Variants in MICB observed in about 807,000 individuals in gnomAD.
MICB encodes the protein MHC class I antigen-related protein B.
Under a neutral mutation model 34.3 loss-of-function variants are expected in MICB, and 27 were observed. The ratio of observed to expected loss-of-function variants is 0.79; its 90% CI spans 0.58 to 1.08. The LOEUF is 1.08. Among genes scored for constraint, MICB ranks in the 50% least tolerant of loss-of-function variants. MICB has a pLI of 0.00. For synonymous variants in MICB, 153 were observed against 187.4 expected (o/e 0.82, Z 1.50); for missense variants, 426 against 483.1 (o/e 0.88, Z 1.11).
At chr6:31,499,456 C>T (rs551330509) in intron 1 of MICB, among the ~76,000 whole-genome samples, 11 of 151,998 alleles carry the variant, frequency 7.2e-5, no homozygotes, top group Non-Finnish European at 1.5e-4. Flanking sequence ...CTTTATGGGC[C>T]TTTCCTGCAA....
chr6:31,498,329 G>A (rs1056123243), intron 1 of MICB, 66 bp downstream of exon 1: 3 of 1,375,938 alleles, frequency 2.2e-6, no homozygotes, highest in East Asian at 3.0e-5. Context: ...GGGTCCGGGT[G>A]GGTTGCCGCG....
At chr6:31,496,674 CT>C (rs9279320), upstream of MICB, 70,070 of 145,718 alleles carry the variant, frequency 0.48, 16,694 homozygotes, top group South Asian at 0.65. Flanking sequence ...ACCCTTTTTC[CT>C]TTTTTTTTTT....
chr6:31,510,362 G>A lies in MICB; in HGVS notation c.*453G>A, dbSNP rs1237911765. ...TCTCCTATACCAATAAATACGAAGG[G>A]CTGTGGAAGATCAGAGCCCTTGTTC... is the stretch of plus-strand genomic sequence containing the variant. On this transcript the variant is annotated 3_prime_UTR_variant, in exon 6 of 6. Coordinates refer to ENST00000252229, the MANE Select transcript of MICB (RefSeq NM_005931.5). 6.5e-6 allele frequency: 1 copy of A among 153,386 alleles called. No homozygotes were observed. The highest frequency in any genetic ancestry group is 1.9e-4 in the East Asian group (1 of 5,214). 9.5% of individuals were successfully genotyped at this position (153,386 alleles called of 1,614,324 possible).
In MICB at chr6:31,507,166, G is replaced by A. The variant is rs141005467; in HGVS notation, c.758G>A (p.Trp253Ter). ...TCTTTGAGCCACAACACCCAGCAGTGGGGGGATGTCCTGCCTGATGGGAAT... is the reference window on the plus strand; with the variant it reads ...TCTTTGAGCCACAACACCCAGCAGTAGGGGGATGTCCTGCCTGATGGGAAT... ...GVSLSHNTQQ[W>*]GDVLPDGNGT... The change falls in exon 4 of 6, where the codon TGG (tryptophan) becomes TAG (stop). Residue 253 changes from tryptophan (W) to a stop codon, truncating the protein, a stop_gained. Coordinates refer to ENST00000252229, the MANE Select transcript of MICB (RefSeq NM_005931.5). LOFTEE classifies it high-confidence loss of function. This position sits in a 1 kb window ranked among gnomAD's most constrained non-coding sequence, Gnocchi z 6.0. 48 of 1,614,138 alleles carry A rather than the reference G, an allele frequency of 3.0e-5. No homozygotes were observed. The highest frequency in any genetic ancestry group is 3.8e-5 in the Non-Finnish European group (45 of 1,180,010).
chr6:31,505,659 A>G lies in MICB; in HGVS notation c.113A>G (p.Asp38Gly). The G allele has an allele frequency of 6.2e-7, 1 of 1,612,914 alleles. No individual in the cohort carries two copies. The highest frequency in any genetic ancestry group is 8.5e-7 in the Non-Finnish European group (1 of 1,179,930). Residue 38 changes from aspartate (D) to glycine (G), a missense_variant, in exon 2 of 6, where the codon GAT (aspartate) becomes GGT (glycine). Asp to Gly is a moderately conservative substitution (Grantham distance 94). Transcript: ENST00000252229. ...LRYNLMVLSQ[D>G]GSVQSGFLAE... is the part of the protein sequence containing the mutation. ...TACAACCTCATGGTGCTGTCCCAGG[A>G]TGGATCTGTGCAGTCAGGGTTTCTC...
intron 1 of MICB, among the ~76,000 whole-genome samples, chr6:31,504,166 C>G (rs1180750554): frequency 6.7e-6 from 1 of 150,368 alleles, no homozygotes; most frequent in African/African-American, 2.5e-5. Context: ...CTTCTCATGG[C>G]TATTTTGCCC....
At chr6:31,499,084 G>A (rs1391612245) in intron 1 of MICB, among the ~76,000 whole-genome samples, 1 of 152,092 alleles carries the variant, frequency 6.6e-6, no homozygotes, top group Non-Finnish European at 1.5e-5. Context: ...TTGGGACCCG[G>A]AGGTGGTGCT....
rs773141400 is a variant in MICB at position 31,507,124 on chromosome 6, G to A, written c.716G>A (p.Trp239Ter). 1 of 1,614,126 alleles carries A rather than the reference G, an allele frequency of 6.2e-7. No individual in the cohort carries two copies. Among genetic ancestry groups the A allele is most frequent in the Non-Finnish European group, 8.5e-7 (1 of 1,179,996 alleles). ...SFYPRNITLT[W>*]RQDGVSLSHN... ...TATCCCCGGAATATCACACTGACCT[G>A]GCGTCAGGATGGGGTATCTTTGAGC... Residue 239 changes from tryptophan (W) to a stop codon, truncating the protein, a stop_gained, in exon 4 of 6, where the codon TGG (tryptophan) becomes TAG (stop). Transcript: ENST00000252229. LOFTEE classifies it high-confidence loss of function. The surrounding 1 kb of genome is among the most constrained non-coding windows in gnomAD (Gnocchi z 6.0).
chr6:31,507,127 G>C lies in MICB; in HGVS notation c.719G>C (p.Arg240Pro), dbSNP rs766185724. The C allele has an allele frequency of 9.3e-6, 15 of 1,614,010 alleles. No homozygotes were observed. Among genetic ancestry groups the C allele is most frequent in the Non-Finnish European group, 1.0e-5 (12 of 1,180,000 alleles). Reference protein sequence around the residue: ...FYPRNITLTWRQDGVSLSHNT... With the variant: ...FYPRNITLTWPQDGVSLSHNT... ...CCCCGGAATATCACACTGACCTGGCGTCAGGATGGGGTATCTTTGAGCCAC... is the reference window on the plus strand; with the variant it reads ...CCCCGGAATATCACACTGACCTGGCCTCAGGATGGGGTATCTTTGAGCCAC... Residue 240 changes from arginine to proline, a missense_variant, in exon 4 of 6, where the codon CGT (arginine) becomes CCT (proline). Arg to Pro is a moderately radical substitution (Grantham distance 103, BLOSUM62 -2). Transcript: ENST00000252229. This position sits in a 1 kb window ranked among gnomAD's most constrained non-coding sequence, Gnocchi z 6.0.
At chr6:31,499,826 A>C (rs28587960) in intron 1 of MICB, among the ~76,000 whole-genome samples, 1 of 150,902 alleles carries the variant, frequency 6.6e-6, no homozygotes, top group Non-Finnish European at 1.5e-5. Context: ...TGCTGCTCCT[A>C]TCTCTTGCCC....
upstream of MICB, chr6:31,498,125 G>C (rs1258984360): frequency 3.0e-6 from 4 of 1,343,782 alleles, no homozygotes; most frequent in Non-Finnish European, 4.1e-6. Flanking sequence ...AAATTTCGAC[G>C]GGGTCTTCTC....
rs9281513 is a variant in MICB, at chr6:31,504,254, CTTTTT to C, written c.71-1344_71-1340del. Among the ~76,000 whole-genome samples, 9 of 60,272 alleles carry C rather than the reference CTTTTT, an allele frequency of 1.5e-4. No homozygotes were observed. The Admixed American group carries it at 1.7e-3, about 11-fold the overall frequency. 39.5% of individuals were successfully genotyped at this position (60,272 alleles called of 152,430 possible). A position where few individuals can be genotyped will look rare whatever the true frequency, so the allele number is the denominator to read the frequency against. On this transcript the variant is annotated intron_variant, in intron 1 of 5. Transcript: ENST00000252229. Reference sequence around the variant, plus strand: ...TCTGGAAACTAATCTCTCTCTTTTTCTTTTTTTTTTTTTTTTTTTTTTTGAGATGG... The same window carrying C: ...TCTGGAAACTAATCTCTCTCTTTTTCTTTTTTTTTTTTTTTTTTGAGATGG...
At chr6:31,505,487 C>T (rs1489436560) in intron 1 of MICB, 130 bp from the exon 2 acceptor site, 7 of 1,313,478 alleles carry the variant, frequency 5.3e-6, no homozygotes, top group South Asian at 2.9e-5. Context: ...ATGAAATCTT[C>T]GTTCTTGTCC....
At chr6:31,497,817 G>T (rs1442401990), upstream of MICB, among the ~76,000 whole-genome samples, 2 of 152,198 alleles carry the variant, frequency 1.3e-5, no homozygotes, top group Admixed American at 6.5e-5. Context: ...CTCCTTGGGG[G>T]TGGGAATGCG....
At position 31,507,106 on chromosome 6, in the gene MICB, G is replaced by A. The variant is rs185298122; in HGVS notation, c.698G>A (p.Arg233Gln). The A allele has an allele frequency of 1.3e-3, 2,137 of 1,613,992 alleles. 17 individuals are homozygous for A. Among genetic ancestry groups the A allele is most frequent in the Non-Finnish European group, 6.1e-4 (723 of 1,179,926 alleles). The change falls in exon 4 of 6, where the codon CGG becomes CAG. Residue 233 changes from arginine (R) to glutamine (Q), a missense_variant. Arg to Gln is a conservative substitution (Grantham distance 43, BLOSUM62 1). Transcript: ENST00000252229. The surrounding 1 kb of genome is among the most constrained non-coding windows in gnomAD (Gnocchi z 6.0). ...VTCRASSFYP[R>Q]NITLTWRQDG... is the part of the protein sequence containing the mutation. ...TGCAGGGCTTCCAGCTTCTATCCCC[G>A]GAATATCACACTGACCTGGCGTCAG...
chr6:31,507,457 T>C lies in MICB; in HGVS notation c.950T>C (p.Met317Thr), dbSNP rs1341658929. 6.2e-7 allele frequency: 1 copy of C among 1,614,200 alleles called. No individual in the cohort carries two copies. The highest frequency in any genetic ancestry group is 1.7e-5 in the Admixed American group (1 of 60,028). Residue 317 changes from methionine (M) to threonine (T), a missense_variant, in exon 5 of 6, where the codon ATG becomes ACG. Coordinates refer to ENST00000252229, the MANE Select transcript of MICB (RefSeq NM_005931.5). This position sits in a 1 kb window ranked among gnomAD's most constrained non-coding sequence, Gnocchi z 6.0. ...GACTTTCCATATGTTTCTGCTGCTA[T>C]GCCATGTTTTGTTATTATTATTATT... is the stretch of plus-strand genomic sequence containing the variant. ...RTDFPYVSAA[M>T]PCFVIIIILC...
Position 31,505,798 on chromosome 6 carries a change from A to G in MICB, c.252A>G (p.Thr84=). 6.2e-7 allele frequency: 1 copy of G among 1,613,286 alleles called. No individual in the cohort carries two copies. The highest frequency in any genetic ancestry group is 2.2e-5 in the East Asian group (1 of 44,886). Residue 84 remains threonine, a synonymous_variant, in exon 2 of 6, where the codon ACA becomes ACG. Coordinates refer to ENST00000252229, the MANE Select transcript of MICB (RefSeq NM_005931.5). The stretch of plus-strand genomic sequence containing the variant: ...TCCTGGGAGCTAAGACCTGGGACAC[A>G]GAGACCGAGGACTTGACAGAGAATG... The part of the protein sequence containing the change: ...ENVLGAKTWD[T]ETEDLTENGQ...
rs41273040 is a variant in MICB at position 31,507,279 on chromosome 6, G to A, written c.871G>A (p.Gly291Ser). 0.024 allele frequency: 38,525 copies of A among 1,613,022 alleles called. 593 individuals are homozygous for A. The highest frequency in any genetic ancestry group is 0.035 in the East Asian group (1,580 of 44,796). ...TCYMEHSGNH[G>S]THPVPSGKAL... Reference sequence around the variant, plus strand: ...CTACATGGAACACAGCGGGAATCACGGCACTCACCCTGTGCCCTCTGGTGA... The same window carrying A: ...CTACATGGAACACAGCGGGAATCACAGCACTCACCCTGTGCCCTCTGGTGA... The change falls in exon 4 of 6, where the codon GGC becomes AGC. Residue 291 changes from glycine (G) to serine (S), a missense_variant. Physicochemically the swap from Gly to Ser is moderately conservative, Grantham distance 56. Transcript: ENST00000252229. The surrounding 1 kb of genome is among the most constrained non-coding windows in gnomAD (Gnocchi z 6.0).
upstream of MICB, among the ~76,000 whole-genome samples, chr6:31,497,155 C>T (rs3828908): frequency 0.34 from 51,267 of 151,820 alleles, 8,776 homozygotes; most frequent in East Asian, 0.46. Context: ...TAGACTAAGA[C>T]TATGGCTGTG....
Sources: allele counts gnomAD v4.1 joint callset (sites outside exome capture counted in the v4.1 genomes callset), GRCh38; gene constraint gnomAD v4.1.1; non-coding constraint Gnocchi (gnomAD v3.1); transcripts MANE v1.5; gene names NCBI Gene and HGNC (gene_info 2026-07-23, HGNC 2026-07-21).